Variants in NAALADL2 observed in about 807,000 individuals in gnomAD.
The protein encoded by NAALADL2 is N-acetylated alpha-linked acidic dipeptidase like 2, also known as inactive N-acetylated-alpha-linked acidic dipeptidase-like protein 2.
A neutral mutation model predicts 87.2 loss-of-function variants in NAALADL2; 76 were observed. The ratio of observed to expected loss-of-function variants is 0.87; its 90% CI spans 0.72 to 1.05. The LOEUF (loss-of-function observed/expected upper bound fraction) is 1.05, where lower values mean the gene tolerates loss of function less well. Ranked by LOEUF, NAALADL2 falls within the 50% of genes least tolerant of loss-of-function variation. The pLI, the probability that NAALADL2 is intolerant of heterozygous loss-of-function variation, is 0.00. For missense variants in NAALADL2, 1,089 were observed against 945.8 expected (o/e 1.15, Z -1.99); for synonymous variants, 354 against 331.0 (o/e 1.07, Z -0.75).
chr3:175,624,910 T>C (rs1023100540), intron 10 of NAALADL2, among the ~76,000 whole-genome samples: 2 of 152,066 alleles, frequency 1.3e-5, no homozygotes, highest in African/African-American at 4.8e-5. Flanking sequence ...GACACATGTA[T>C]GTACACACTG....
intron 5 of NAALADL2, among the ~76,000 whole-genome samples, chr3:175,441,153 C>A (rs1719674390): frequency 6.6e-6 from 1 of 151,472 alleles, no homozygotes. Flanking sequence ...TGTTTCACAT[C>A]CATGGATTCA....
intron 1 of NAALADL2, among the ~76,000 whole-genome samples, chr3:174,527,797 T>A (rs1720896003): frequency 6.6e-6 from 1 of 152,176 alleles, no homozygotes; most frequent in African/African-American, 2.4e-5. Context: ...TCTTATGTTC[T>A]GGGATTTCAG....
intron 11 of NAALADL2, among the ~76,000 whole-genome samples, chr3:175,706,321 A>G (rs578023022): frequency 6.6e-6 from 1 of 152,252 alleles, no homozygotes; most frequent in African/African-American, 2.4e-5. Context: ...AACTCTAAAT[A>G]TAATGTTTTT....
At chr3:175,139,281 A>T (rs1308854670) in intron 2 of NAALADL2, among the ~76,000 whole-genome samples, 1 of 152,026 alleles carries the variant, frequency 6.6e-6, no homozygotes, top group East Asian at 1.9e-4. Flanking sequence ...ATCATAAAAA[A>T]ATAAAATGTG....
intron 3 of NAALADL2, among the ~76,000 whole-genome samples, chr3:175,239,022 A>C (rs1581063885): frequency 1.3e-5 from 2 of 152,090 alleles, no homozygotes. Context: ...GTAAGCTTCC[A>C]ATTTGTGCTT....
At chr3:175,148,123 T>TAATAAA (rs1406058147) in intron 2 of NAALADL2, among the ~76,000 whole-genome samples, 40 of 146,108 alleles carry the variant, frequency 2.7e-4, no homozygotes, top group Admixed American at 1.3e-3. Context: ...ATAATAATAA[T>TAATAAA]AAAATAATAA....
At chr3:174,516,825 T>TA (rs1491422560) in intron 1 of NAALADL2, among the ~76,000 whole-genome samples, 7 of 152,040 alleles carry the variant, frequency 4.6e-5, no homozygotes, top group Admixed American at 2.6e-4. Context: ...TGCTAAATGG[T>TA]AAAAAAATCA....
At chr3:175,073,019 A>G (rs981713866) in intron 1 of NAALADL2, among the ~76,000 whole-genome samples, 1 of 152,020 alleles carries the variant, frequency 6.6e-6, no homozygotes, top group Non-Finnish European at 1.5e-5. Context: ...CATTTCAAGA[A>G]CTTTGGTATG....
At chr3:175,689,626 A>C (rs1736779079) in intron 11 of NAALADL2, among the ~76,000 whole-genome samples, 1 of 152,140 alleles carries the variant, frequency 6.6e-6, no homozygotes, top group Admixed American at 6.6e-5. Context: ...TTCCCAGTAA[A>C]TCCTACTGCA....
At chr3:175,146,488 T>C (rs1377412574) in intron 2 of NAALADL2, among the ~76,000 whole-genome samples, 1 of 152,132 alleles carries the variant, frequency 6.6e-6, no homozygotes, top group Non-Finnish European at 1.5e-5. Context: ...AAAATAATTA[T>C]TGTAGAGAAT....
At chr3:174,684,636 C>T (rs1727860967) in intron 2 of NAALADL2, among the ~76,000 whole-genome samples, 1 of 152,004 alleles carries the variant, frequency 6.6e-6, no homozygotes, top group African/African-American at 2.4e-5. Context: ...AATACTTTTT[C>T]TAGGACTAAT....
chr3:174,848,795 G>C (rs1211310609), intron 3 of NAALADL2, among the ~76,000 whole-genome samples: 1 of 152,140 alleles, frequency 6.6e-6, no homozygotes, highest in African/African-American at 2.4e-5. Flanking sequence ...GAACACCATA[G>C]AGTGTACTTC....
At chr3:174,874,023 A>G (rs1728179183) in intron 1 of NAALADL2, among the ~76,000 whole-genome samples, 1 of 152,088 alleles carries the variant, frequency 6.6e-6, no homozygotes, top group Admixed American at 6.6e-5. Context: ...CCCAACAAAC[A>G]TTAAGTTACT....
At chr3:175,453,680 T>C (rs1721905456) in intron 6 of NAALADL2, among the ~76,000 whole-genome samples, 1 of 152,106 alleles carries the variant, frequency 6.6e-6, no homozygotes, top group African/African-American at 2.4e-5. Flanking sequence ...TTATTTGTGG[T>C]TTTCTTTATG....
chr3:175,605,643 T>TTTTTTGTTTTG (rs1723603448), intron 10 of NAALADL2, among the ~76,000 whole-genome samples: 1 of 94,604 alleles, frequency 1.1e-5, no homozygotes, highest in Non-Finnish European at 2.3e-5. Context: ...ATTGCTTGTT[T>TTTTTTGTTTTG]TTTTTTTTTT....
chr3:174,759,916 G>A (rs191499919), intron 3 of NAALADL2, among the ~76,000 whole-genome samples: 1 of 152,130 alleles, frequency 6.6e-6, no homozygotes, highest in African/African-American at 2.4e-5. Context: ...GGCCAGGCTG[G>A]TCTCGAACTC....
intron 2 of NAALADL2, among the ~76,000 whole-genome samples, chr3:175,168,648 C>A (rs896132505): frequency 2.6e-5 from 4 of 151,760 alleles, no homozygotes; most frequent in Admixed American, 2.6e-4. Flanking sequence ...ATATCAATAT[C>A]AAAGGCTGAG....
intron 3 of NAALADL2, among the ~76,000 whole-genome samples, chr3:174,789,230 A>C (rs1173042011): frequency 6.6e-6 from 1 of 152,160 alleles, no homozygotes; most frequent in Non-Finnish European, 1.5e-5. Context: ...GCTGAGGTGG[A>C]TTCTGAAAAT....
chr3:175,635,759 T>C (rs1208586314), intron 11 of NAALADL2, among the ~76,000 whole-genome samples: 1 of 152,142 alleles, frequency 6.6e-6, no homozygotes, highest in Non-Finnish European at 1.5e-5. Flanking sequence ...AGACTCTACC[T>C]TTCCATATCG....
Sources: gnomAD v4.1 joint callset for allele counts (sites outside exome capture counted in the v4.1 genomes callset) on GRCh38, gnomAD v4.1.1 for gene constraint, MANE v1.5 for transcripts, NCBI Gene and HGNC (gene_info 2026-07-23, HGNC 2026-07-21) for gene names.